STPG2: variants seen among roughly 807,000 people sequenced by gnomAD.
STPG2 encodes sperm tail PG-rich repeat containing 2.
A neutral mutation model predicts 54.2 loss-of-function variants in STPG2; 56 were observed. The observed-to-expected ratio is 1.03, with a 90% CI of 0.83 to 1.29. The LOEUF is 1.29. STPG2 is among the 50% of genes most tolerant of loss of function. The pLI is 0.00. For synonymous variants in STPG2, 200 were observed against 181.8 expected, an observed-to-expected ratio of 1.10 and a Z score of -0.81; for missense variants, 596 against 544.9, an observed-to-expected ratio of 1.09 and a Z score of -0.93.
chr4:97,659,558 GA>G (rs1238777199), intron 10 of STPG2, among the ~76,000 whole-genome samples: 1 of 152,134 alleles, frequency 6.6e-6, no homozygotes, highest in Non-Finnish European at 1.5e-5. Context: ...GAAAGCTAGG[GA>G]ACAAATGACC....
intron 8 of STPG2, among the ~76,000 whole-genome samples, chr4:97,872,061 TAGAA>T (rs940134745): frequency 1.3e-5 from 2 of 151,106 alleles, no homozygotes; most frequent in African/African-American, 2.4e-5. Context: ...TCATAAATGT[TAGAA>T]AGACCTTTAA....
At chr4:97,634,276 A>T (rs1239197866) in intron 10 of STPG2, among the ~76,000 whole-genome samples, 7 of 152,138 alleles carry the variant, frequency 4.6e-5, no homozygotes, top group African/African-American at 7.2e-5. Flanking sequence ...CCTGCAGCTG[A>T]GGGTCCTGTC....
At chr4:98,097,057 A>C (rs1738880753) in intron 5 of STPG2, among the ~76,000 whole-genome samples, 1 of 152,174 alleles carries the variant, frequency 6.6e-6, no homozygotes, top group Non-Finnish European at 1.5e-5. Flanking sequence ...AGAAGAACTA[A>C]TATCAATCCT....
chr4:97,785,373 G>C (rs1726792853), intron 9 of STPG2, among the ~76,000 whole-genome samples: 1 of 151,852 alleles, frequency 6.6e-6, no homozygotes, highest in Non-Finnish European at 1.5e-5. Flanking sequence ...TTTATTAGAG[G>C]GTTTCCCTTT....
At chr4:98,059,953 A>G (rs1369239495) in intron 5 of STPG2, among the ~76,000 whole-genome samples, 1 of 152,178 alleles carries the variant, frequency 6.6e-6, no homozygotes, top group Non-Finnish European at 1.5e-5. Context: ...CACAGCCAAT[A>G]TTATACTGAA....
chr4:97,991,401 G>GTATATATATACACCTTATATACA (rs1553932079), intron 5 of STPG2, among the ~76,000 whole-genome samples: 2 of 149,054 alleles, frequency 1.3e-5, no homozygotes, highest in Non-Finnish European at 3.0e-5. Context: ...ATATATATGT[G>GTATATATATACACCTTATATACA]TATATATATA....
chr4:97,676,851 C>T (rs2148974699), intron 10 of STPG2, among the ~76,000 whole-genome samples: 1 of 152,232 alleles, frequency 6.6e-6, no homozygotes, highest in South Asian at 2.1e-4. Flanking sequence ...AATCCCAAGG[C>T]AAATGACCTG....
chr4:97,669,333 G>A (rs970796752), intron 10 of STPG2, among the ~76,000 whole-genome samples: 5 of 152,090 alleles, frequency 3.3e-5, no homozygotes, highest in African/African-American at 1.2e-4. Flanking sequence ...ATGTATGAAG[G>A]AATTGACTAA....
At chr4:97,654,492 A>C (rs1204517485) in intron 10 of STPG2, among the ~76,000 whole-genome samples, 2 of 152,060 alleles carry the variant, frequency 1.3e-5, no homozygotes, top group African/African-American at 2.4e-5. Context: ...TCCTGATTAC[A>C]ATTTACAATT....
intron 10 of STPG2, among the ~76,000 whole-genome samples, chr4:97,608,171 T>C (rs1733642335): frequency 6.6e-6 from 1 of 152,008 alleles, no homozygotes. Flanking sequence ...TTTGGGATTA[T>C]AAATGGGACT....
chr4:97,632,285 G>GTT (rs72316841), intron 10 of STPG2, among the ~76,000 whole-genome samples: 2,639 of 140,844 alleles, frequency 0.019, 76 homozygotes, highest in African/African-American at 0.063. Context: ...AAGCTTATTG[G>GTT]TTTTTTTTTT....
At chr4:97,675,792 T>C (rs976746343) in intron 10 of STPG2, among the ~76,000 whole-genome samples, 3 of 151,516 alleles carry the variant, frequency 2.0e-5, no homozygotes, top group Non-Finnish European at 4.4e-5. Flanking sequence ...GACTTTCTTA[T>C]AGTTGGAGTT....
At chr4:97,893,712 C>T (rs1014754062) in intron 8 of STPG2, among the ~76,000 whole-genome samples, 2 of 151,982 alleles carry the variant, frequency 1.3e-5, no homozygotes, top group Admixed American at 6.6e-5. Context: ...AATTAAATTA[C>T]CTTTCATCGG....
intron 10 of STPG2, among the ~76,000 whole-genome samples, chr4:97,563,788 A>C (rs890036585): frequency 1.3e-5 from 2 of 152,170 alleles, no homozygotes; most frequent in Non-Finnish European, 2.9e-5. Flanking sequence ...GTTTGATTGC[A>C]CTGTGGTCTG....
chr4:97,897,294 T>C (rs1021365181), intron 8 of STPG2, among the ~76,000 whole-genome samples: 5 of 152,116 alleles, frequency 3.3e-5, no homozygotes, highest in African/African-American at 1.2e-4. Flanking sequence ...CCATTTTTTA[T>C]CCAGTCTATC....
At chr4:97,910,936 C>A (rs1731654117) in intron 8 of STPG2, among the ~76,000 whole-genome samples, 1 of 152,158 alleles carries the variant, frequency 6.6e-6, no homozygotes, top group Admixed American at 6.5e-5. Context: ...AATTCTACAC[C>A]TTCAACTAAG....
chr4:97,803,645 A>G (rs574269273), intron 9 of STPG2, among the ~76,000 whole-genome samples: 14 of 152,222 alleles, frequency 9.2e-5, no homozygotes, highest in African/African-American at 2.9e-4. Flanking sequence ...GGTTCAAGCG[A>G]TTCTCCTGCC....
At position 97,509,141 on chromosome 4, in the gene STPG2, C is replaced by T. The variant is rs529587374; in HGVS notation, c.462+203558G>A. 2.6e-5 allele frequency among the ~76,000 whole-genome samples: 4 copies of T among 152,224 alleles called. No individual in the cohort carries two copies. In the East Asian group the frequency reaches 5.8e-4, roughly 22 times the overall value. On this transcript the variant is annotated intron_variant, in intron 4 of 4. Transcript: ENST00000522676. Reference sequence around the variant, plus strand: ...TACATATTTCTATGGGCTTATGTCTCTCCAGGGTTTCGATTTTGAACCTGG... The same window carrying T: ...TACATATTTCTATGGGCTTATGTCTTTCCAGGGTTTCGATTTTGAACCTGG...
chr4:97,630,644 T>C (rs1335319120), intron 10 of STPG2, among the ~76,000 whole-genome samples: 1 of 151,898 alleles, frequency 6.6e-6, no homozygotes, highest in Non-Finnish European at 1.5e-5. Flanking sequence ...CAAAAATAAA[T>C]ATTAGCTTTC....
Sources: gnomAD v4.1 joint callset for allele counts (sites outside exome capture counted in the v4.1 genomes callset) on GRCh38, gnomAD v4.1.1 for gene constraint, MANE v1.5 for transcripts, NCBI Gene and HGNC (gene_info 2026-07-23, HGNC 2026-07-21) for gene names.